The following MCPH1 variants were observed in gnomAD, a reference collection of about 807,000 sequenced individuals.
The protein encoded by MCPH1 is microcephalin.
In MCPH1, 104 loss-of-function variants were observed where a neutral mutation model predicts 84.5. That is an observed-to-expected ratio of 1.23 (90% confidence interval 1.05 to 1.45). The LOEUF (loss-of-function observed/expected upper bound fraction) is 1.45. Ranked by LOEUF, MCPH1 falls within the 40% of genes most tolerant of loss-of-function variation. The probability of loss-of-function intolerance (pLI) is 0.00; values close to 1 mark genes in which losing one functional copy is unlikely to be tolerated. For synonymous variants in MCPH1, 514 were observed against 366.8 expected (o/e 1.40, Z -4.58); for missense variants, 1,498 against 1,005.7 (o/e 1.49, Z -6.62).
chr8:6,594,540 G>A (rs959887442), intron 12 of MCPH1, among the ~76,000 whole-genome samples: 13 of 152,352 alleles, frequency 8.5e-5, no homozygotes, highest in Admixed American at 3.9e-4. Context: ...AAGGAATTTA[G>A]ATCTCATGTG....
At chr8:6,493,726 C>G (rs182827555) in intron 11 of MCPH1, among the ~76,000 whole-genome samples, 2 of 152,208 alleles carry the variant, frequency 1.3e-5, no homozygotes, top group African/African-American at 4.8e-5. Context: ...CCCCAGGATA[C>G]AAAATATGAC....
chr8:6,529,139 C>T (rs574818846), intron 12 of MCPH1, among the ~76,000 whole-genome samples: 1 of 152,212 alleles, frequency 6.6e-6, no homozygotes, highest in Non-Finnish European at 1.5e-5. Context: ...TAACCATTTT[C>T]ACATCACTTT....
chr8:6,613,897 A>G (rs565861482), intron 12 of MCPH1, among the ~76,000 whole-genome samples: 3 of 152,246 alleles, frequency 2.0e-5, no homozygotes, highest in East Asian at 3.9e-4. Context: ...AGGAGCCTCC[A>G]TGACTTCCCC....
At chr8:6,607,828 G>A (rs1021311638) in intron 12 of MCPH1, among the ~76,000 whole-genome samples, 1 of 152,194 alleles carries the variant, frequency 6.6e-6, no homozygotes, top group Non-Finnish European at 1.5e-5. Context: ...GGAACTGTGA[G>A]ACCATTAAAC....
chr8:6,414,854 A>G lies in MCPH1; in HGVS notation c.204A>G (p.Val68=), dbSNP rs143925274. 18 of 1,613,914 alleles carry G rather than the reference A, an allele frequency of 1.1e-5. No homozygotes were observed. The highest frequency in any genetic ancestry group is 1.6e-4 in the Middle Eastern group (1 of 6,062). The part of the protein sequence containing the change: ...STWDKAQKRG[V]KLVSVLWVEK... ...GGGACAAAGCTCAGAAGAGAGGCGT[A>G]AAGCTCGTTTCGGTGCTCTGGGTGG... Residue 68 remains valine (V), a synonymous_variant, in exon 3 of 14, where the codon GTA becomes GTG. Coordinates refer to ENST00000344683, the MANE Select transcript of MCPH1 (RefSeq NM_024596.5).
intron 12 of MCPH1, among the ~76,000 whole-genome samples, chr8:6,505,262 T>TTTATG (rs1813141143): frequency 4.3e-5 from 1 of 23,438 alleles, no homozygotes; most frequent in African/African-American, 1.3e-4. Flanking sequence ...TATATATGTT[T>TTTATG]TATATATATG....
intron 12 of MCPH1, among the ~76,000 whole-genome samples, chr8:6,577,838 T>G (rs1827235449): frequency 6.6e-6 from 1 of 152,198 alleles, no homozygotes; most frequent in African/African-American, 2.4e-5. Context: ...CTTCTTAATC[T>G]CCCTACAGAG....
At chr8:6,478,244 A>C (rs577083328) in intron 10 of MCPH1, among the ~76,000 whole-genome samples, 19 of 152,094 alleles carry the variant, frequency 1.2e-4, no homozygotes, top group Non-Finnish European at 2.5e-4. Context: ...CAGAGAGGGC[A>C]CCTTTAGAAC....
chr8:6,454,312 T>C (rs1805436405), intron 8 of MCPH1, among the ~76,000 whole-genome samples: 1 of 152,228 alleles, frequency 6.6e-6, no homozygotes, highest in Admixed American at 6.5e-5. Flanking sequence ...ACAGTGCAGT[T>C]TGGCTATCAC....
At chr8:6,477,458 T>C in intron 9 of MCPH1, 136 bp from the exon 10 acceptor site, 1 of 748,030 alleles carries the variant, frequency 1.3e-6, no homozygotes, top group African/African-American at 1.8e-5. Flanking sequence ...AAAGGTTTTT[T>C]TTCTTTGACA....
chr8:6,557,805 G>A lies in MCPH1; in HGVS notation c.2214+57876G>A, dbSNP rs192720698. Among the ~76,000 whole-genome samples, 165 of 152,066 alleles carry A rather than the reference G, an allele frequency of 1.1e-3. 2 individuals are homozygous for A. Among genetic ancestry groups the A allele is most frequent in the African/African-American group, 3.8e-3 (156 of 41,486 alleles). On this transcript the variant is annotated intron_variant, in intron 12 of 13. Transcript: ENST00000344683. ...CCTGGAAATTGTGAACAGCTAATTG[G>A]AAAACAGTCTGTCCGTGTTCATGAT...
chr8:6,471,192 C>T (rs887458553), intron 9 of MCPH1, among the ~76,000 whole-genome samples: 1 of 152,078 alleles, frequency 6.6e-6, no homozygotes, highest in South Asian at 2.1e-4. Context: ...GGCTTCTTTC[C>T]CCAAAAGGGC....
At chr8:6,543,486 A>G (rs59797719) in intron 12 of MCPH1, among the ~76,000 whole-genome samples, 1,919 of 152,324 alleles carry the variant, frequency 0.013, 25 homozygotes, top group African/African-American at 0.036. Context: ...CTGACGGGCA[A>G]TGTGCGTGGG....
At chr8:6,458,832 G>T (rs1184080474) in intron 9 of MCPH1, among the ~76,000 whole-genome samples, 1 of 152,074 alleles carries the variant, frequency 6.6e-6, no homozygotes, top group East Asian at 1.9e-4. Context: ...TTTTTGTAGA[G>T]ATGGGGTTTC....
chr8:6,624,008 G>A (rs1831786173), intron 13 of MCPH1, among the ~76,000 whole-genome samples: 1 of 152,226 alleles, frequency 6.6e-6, no homozygotes, highest in Non-Finnish European at 1.5e-5. Flanking sequence ...GCCTGCCTCT[G>A]CACTCGTGTT....
In MCPH1 at chr8:6,481,562, C is replaced by T. The variant is rs115296344; in HGVS notation, c.2136+686C>T. Among the ~76,000 whole-genome samples the T allele has an allele frequency of 9.5e-3, 1,453 of 152,270 alleles. 24 individuals are homozygous for T. The highest frequency in any genetic ancestry group is 0.033 in the African/African-American group (1,359 of 41,554). ...ATTCTGCATCTGTGGTATCCGTCTT[C>T]CCTCCTCCTCTCCCAAGAATGTATT... On this transcript the variant is annotated intron_variant, in intron 11 of 13. Coordinates refer to ENST00000344683, the MANE Select transcript of MCPH1 (RefSeq NM_024596.5).
intron 10 of MCPH1, among the ~76,000 whole-genome samples, chr8:6,478,999 T>A (rs747008448): frequency 2.6e-5 from 4 of 152,232 alleles, no homozygotes; most frequent in Non-Finnish European, 5.9e-5. Flanking sequence ...GTGTGTTGGT[T>A]CACGGCTATA....
chr8:6,470,825 TAAACTGAAGGAGTGTTGTCTC>T (rs1298267900), intron 9 of MCPH1, among the ~76,000 whole-genome samples: 1 of 152,240 alleles, frequency 6.6e-6, no homozygotes, highest in Non-Finnish European at 1.5e-5. Flanking sequence ...AGAGGGTTGT[TAAACTGAAGGAGTGTTGTCTC>T]AAACTGAAGG....
intron 12 of MCPH1, among the ~76,000 whole-genome samples, chr8:6,593,068 T>G (rs2129577767): frequency 6.9e-6 from 1 of 145,634 alleles, no homozygotes; most frequent in South Asian, 2.2e-4. Flanking sequence ...GACACTATGT[T>G]TTTTAGGGTG....
Sources: allele counts gnomAD v4.1 joint callset (sites outside exome capture counted in the v4.1 genomes callset), GRCh38; gene constraint gnomAD v4.1.1; transcripts MANE v1.5; gene names NCBI Gene and HGNC (gene_info 2026-07-23, HGNC 2026-07-21).